The following ATAD2 variants were observed in gnomAD, a reference collection of about 807,000 sequenced individuals.
ATAD2 encodes the protein ATPase family AAA domain-containing protein 2.
A neutral mutation model predicts 168.9 loss-of-function variants in ATAD2; 62 were observed. That is an observed-to-expected ratio of 0.37 (90% confidence interval 0.30 to 0.45). ATAD2 has a LOEUF of 0.45. ATAD2 is among the 20% of genes least tolerant of loss of function. The pLI is 1.00. For synonymous variants in ATAD2, 613 were observed against 571.6 expected (o/e 1.07, Z -1.03); for missense variants, 1,419 against 1,667.8 (o/e 0.85, Z 2.60).
chr8:123,330,839 A>G (rs1475584780), intron 24 of ATAD2, among the ~76,000 whole-genome samples: 2 of 152,188 alleles, frequency 1.3e-5, no homozygotes, highest in Non-Finnish European at 2.9e-5. Context: ...TGCATTTTCA[A>G]TATCAGACAA....
At chr8:123,392,445 C>G (rs1301210380) in intron 1 of ATAD2, among the ~76,000 whole-genome samples, 1 of 151,908 alleles carries the variant, frequency 6.6e-6, no homozygotes, top group Non-Finnish European at 1.5e-5. Flanking sequence ...ACACAGCTTA[C>G]TATAAGGTGA....
intron 8 of ATAD2, among the ~76,000 whole-genome samples, chr8:123,366,811 CA>C (rs1035015518): frequency 9.9e-5 from 15 of 151,396 alleles, no homozygotes; most frequent in Non-Finnish European, 7.4e-5. Context: ...ATGGGTTCAC[CA>C]AAATCTCACA....
intron 21 of ATAD2, among the ~76,000 whole-genome samples, chr8:123,337,053 CA>C (rs58960333): frequency 0.19 from 11,532 of 62,052 alleles, 1,319 homozygotes; most frequent in African/African-American, 0.42. Context: ...ACCCTTACTA[CA>C]AAAAAAAAAA....
intron 21 of ATAD2, 98 bp from the exon 22 acceptor site, chr8:123,336,630 T>G: frequency 1.1e-6 from 1 of 873,192 alleles, no homozygotes. Context: ...AGAGAATAAA[T>G]ACGTAAGAGA....
intron 27 of ATAD2, 48 bp from the exon 28 acceptor site, chr8:123,321,223 A>C: frequency 1.4e-6 from 2 of 1,469,630 alleles, no homozygotes; most frequent in South Asian, 1.2e-5. Flanking sequence ...ATATGGAATA[A>C]GCTAAAGAAA....
intron 1 of ATAD2, among the ~76,000 whole-genome samples, chr8:123,412,874 C>T (rs761517139): frequency 1.3e-5 from 2 of 152,032 alleles, no homozygotes; most frequent in East Asian, 1.9e-4. Context: ...CTCCCCCAAA[C>T]CCCCCATTAA....
chr8:123,376,718 G>A (rs1254274854), intron 2 of ATAD2, among the ~76,000 whole-genome samples: 1 of 152,142 alleles, frequency 6.6e-6, no homozygotes, highest in African/African-American at 2.4e-5. Context: ...ACTTTGGGAG[G>A]CTGAGGCAGG....
chr8:123,393,053 G>A (rs774005128), intron 1 of ATAD2, among the ~76,000 whole-genome samples: 22 of 152,092 alleles, frequency 1.4e-4, no homozygotes, highest in Non-Finnish European at 2.2e-4. Context: ...GCGTGTTGGC[G>A]GGTGCCTGTA....
rs750515046 is a variant in ATAD2, at chr8:123,371,705, T to C, written c.501A>G (p.Val167=). ...SCRIRSRYSG[V]NQSMLFDKLI... Reference sequence around the variant, plus strand: ...GTTTGTCAAACAGCATGGACTGGTTTACACCACTATAACGACTTCTAATCC... The same window carrying C: ...GTTTGTCAAACAGCATGGACTGGTTCACACCACTATAACGACTTCTAATCC... Residue 167 remains valine, a synonymous_variant, in exon 4 of 28, where the codon GTA becomes GTG. Transcript: ENST00000287394. The C allele has an allele frequency of 4.3e-6, 7 of 1,612,404 alleles. No individual in the cohort carries two copies. The African/African-American group carries it at 9.3e-5, about 22-fold the overall frequency.
chr8:123,365,565 T>C (rs774426919), intron 8 of ATAD2, among the ~76,000 whole-genome samples: 75 of 152,122 alleles, frequency 4.9e-4, no homozygotes, highest in Middle Eastern at 3.2e-3. Flanking sequence ...AGCACAGTAC[T>C]AGTATAAAAA....
At chr8:123,385,279 G>A (rs752205203) in intron 1 of ATAD2, among the ~76,000 whole-genome samples, 2 of 151,926 alleles carry the variant, frequency 1.3e-5, no homozygotes, top group Non-Finnish European at 2.9e-5. Flanking sequence ...AAATGCAGTG[G>A]GTTAAGTGGA....
chr8:123,347,541 A>C (rs1197563995), intron 15 of ATAD2, 135 bp from the exon 16 acceptor site: 1 of 870,402 alleles, frequency 1.1e-6, no homozygotes, highest in Non-Finnish European at 1.7e-6. Flanking sequence ...TTTAAGAGTA[A>C]TAAGACCAAA....
upstream of ATAD2, among the ~76,000 whole-genome samples, chr8:123,397,514 A>G (rs1432041030): frequency 1.3e-5 from 2 of 151,680 alleles, no homozygotes; most frequent in African/African-American, 2.4e-5. Context: ...TTACTTGACT[A>G]CTTTGAAATA....
intron 1 of ATAD2, among the ~76,000 whole-genome samples, chr8:123,412,980 C>T (rs756112937): frequency 6.6e-6 from 1 of 152,032 alleles, no homozygotes; most frequent in Non-Finnish European, 1.5e-5. Context: ...TTTCTTAGAG[C>T]ATTTACTAAA....
At chr8:123,389,494 G>C (rs186792419) in intron 1 of ATAD2, among the ~76,000 whole-genome samples, 1,542 of 151,434 alleles carry the variant, frequency 0.01, 33 homozygotes, top group African/African-American at 0.035. Flanking sequence ...CAAAAACTTA[G>C]CCGGGCGTGG....
chr8:123,336,538 A>T lies in ATAD2; in HGVS notation c.3052-6T>A. ...ACAGTGACATAATCAGGAACCTAAA[A>T]TTCAAGCAAATGATCAAATCACAAA... On this transcript the variant is annotated splice_polypyrimidine_tract_variant and splice_region_variant and intron_variant, in intron 21 of 27. Transcript: ENST00000287394. 6.7e-7 allele frequency: 1 copy of T among 1,495,204 alleles called. No homozygotes were observed. The highest frequency in any genetic ancestry group is 8.9e-7 in the Non-Finnish European group (1 of 1,127,326). The allele number at this position is 1,495,204 out of a possible 1,614,324, so 92.6% of individuals were successfully genotyped here.
rs1206231999 is a variant in ATAD2 at position 123,337,923 on chromosome 8, C to T, written c.2855-102G>A. Reference sequence around the variant, plus strand: ...TCAGGATTTGAGGGATTATCTTCCTCATATATGCAAGGAATCCAAAGATTT... The same window carrying T: ...TCAGGATTTGAGGGATTATCTTCCTTATATATGCAAGGAATCCAAAGATTT... On this transcript the variant is annotated intron_variant, in intron 20 of 27. Transcript: ENST00000287394. The T allele has an allele frequency of 1.5e-5, 17 of 1,106,906 alleles. No homozygotes were observed. The East Asian group carries it at 3.4e-4, about 22-fold the overall frequency. 68.6% of individuals were successfully genotyped at this position (1,106,906 alleles called of 1,614,324 possible).
At chr8:123,333,759 A>T in intron 24 of ATAD2, 119 bp downstream of exon 24, 1 of 1,165,612 alleles carries the variant, frequency 8.6e-7, no homozygotes. Flanking sequence ...TCTTAATAGT[A>T]ACAAAATCAA....
chr8:123,367,217 C>T (rs1829006460), intron 8 of ATAD2, among the ~76,000 whole-genome samples: 5 of 152,082 alleles, frequency 3.3e-5, no homozygotes, highest in Non-Finnish European at 7.4e-5. Context: ...AATTTGAGAC[C>T]AGCCTGGCCT....
Sources: gnomAD v4.1 joint callset for allele counts (sites outside exome capture counted in the v4.1 genomes callset) on GRCh38, gnomAD v4.1.1 for gene constraint, MANE v1.5 for transcripts, NCBI Gene and HGNC (gene_info 2026-07-23, HGNC 2026-07-21) for gene names.